Variants in BMPR2 observed in about 807,000 individuals in gnomAD.
BMPR2 encodes the protein bone morphogenetic protein receptor type 2, also known as bone morphogenetic protein receptor type-2.
Under a neutral mutation model 100.8 loss-of-function variants are expected in BMPR2, and 29 were observed. The ratio of observed to expected loss-of-function variants is 0.29; its 90% CI spans 0.21 to 0.39. The LOEUF (loss-of-function observed/expected upper bound fraction) is 0.39, where lower values mean the gene tolerates loss of function less well. BMPR2 is among the 10% of genes least tolerant of loss of function. BMPR2 has a pLI of 1.00. For synonymous variants in BMPR2, 382 were observed against 442.3 expected (o/e 0.86, Z 1.71); for missense variants, 1,011 against 1,274.5 (o/e 0.79, Z 3.15).
At chr2:202,556,590 A>G (rs575888585) in intron 12 of BMPR2, 59 bp downstream of exon 12, 1 of 1,550,338 alleles carries the variant, frequency 6.5e-7, no homozygotes, top group South Asian at 1.1e-5. Flanking sequence ...TTAAATAACT[A>G]TTTAGAATCA....
At chr2:202,429,408 C>T (rs977336282) in intron 1 of BMPR2, among the ~76,000 whole-genome samples, 5 of 152,178 alleles carry the variant, frequency 3.3e-5, no homozygotes, top group Non-Finnish European at 7.3e-5. Flanking sequence ...TTTATGGTTA[C>T]TGGAACTTAA....
chr2:202,449,239 T>G (rs1574455214), intron 1 of BMPR2, among the ~76,000 whole-genome samples: 1 of 150,962 alleles, frequency 6.6e-6, no homozygotes, highest in Admixed American at 6.6e-5. Context: ...AACCGGGAGG[T>G]GGAGGTTGCA....
At chr2:202,461,345 G>A (rs748686425) in intron 1 of BMPR2, among the ~76,000 whole-genome samples, 3 of 152,014 alleles carry the variant, frequency 2.0e-5, no homozygotes, top group African/African-American at 4.8e-5. Context: ...TTAGCCGGGC[G>A]TGGTGATGCA....
At chr2:202,427,358 CA>C (rs397872093) in intron 1 of BMPR2, among the ~76,000 whole-genome samples, 37,062 of 79,020 alleles carry the variant, frequency 0.47, 4,713 homozygotes, top group East Asian at 0.53. Context: ...GACCCTGGCT[CA>C]AAAAAAAAAA....
chr2:202,453,821 A>G (rs1692035451), intron 1 of BMPR2, among the ~76,000 whole-genome samples: 5 of 152,200 alleles, frequency 3.3e-5, no homozygotes, highest in Admixed American at 3.3e-4. Context: ...ATAGAGTATA[A>G]TTGGATTGTT....
chr2:202,494,689 CAT>C (rs1292778343), intron 3 of BMPR2, among the ~76,000 whole-genome samples: 1 of 152,178 alleles, frequency 6.6e-6, no homozygotes, highest in Non-Finnish European at 1.5e-5. Flanking sequence ...TCAGGTATAA[CAT>C]AGATGTAGCA....
At chr2:202,534,415 A>C (rs1252977193) in intron 9 of BMPR2, among the ~76,000 whole-genome samples, 2 of 151,808 alleles carry the variant, frequency 1.3e-5, no homozygotes, top group Non-Finnish European at 2.9e-5. Flanking sequence ...GGCCTTCCGC[A>C]GTGTTTGTGT....
rs970907553 is a variant in BMPR2, at chr2:202,560,905, G to T, written c.*959G>T. 5 of 151,796 alleles carry T rather than the reference G, an allele frequency of 3.3e-5. No homozygotes were observed. The highest frequency in any genetic ancestry group is 2.6e-4 in the Admixed American group (4 of 15,246). The allele number at this position is 151,796 out of a possible 1,614,324, so 9.4% of individuals were successfully genotyped here. A position where few individuals can be genotyped will look rare whatever the true frequency, so the allele number is the denominator to read the frequency against. On this transcript the variant is annotated 3_prime_UTR_variant, in exon 13 of 13. Coordinates refer to ENST00000374580, the MANE Select transcript of BMPR2 (RefSeq NM_001204.7). ...TTTATTTAAGAAATACATTTTTATTGGTAAGCTTATAGAGCTACACTTATG... is the reference window on the plus strand; with the variant it reads ...TTTATTTAAGAAATACATTTTTATTTGTAAGCTTATAGAGCTACACTTATG...
At chr2:202,407,696 G>C (rs1690930340) in intron 1 of BMPR2, among the ~76,000 whole-genome samples, 1 of 151,608 alleles carries the variant, frequency 6.6e-6, no homozygotes, top group South Asian at 2.1e-4. Context: ...GTGAACCCGG[G>C]AGGCGGAGCT....
chr2:202,540,986 T>A (rs1440577849), intron 9 of BMPR2, among the ~76,000 whole-genome samples: 1 of 152,182 alleles, frequency 6.6e-6, no homozygotes, highest in African/African-American at 2.4e-5. Context: ...TGGTTCAATA[T>A]ATTATATACA....
At position 202,520,084 on chromosome 2, in the gene BMPR2, T is replaced by A; in HGVS notation, c.853-3T>A. On this transcript the variant is annotated splice_polypyrimidine_tract_variant and splice_region_variant and intron_variant, in intron 6 of 12. Coordinates refer to ENST00000374580, the MANE Select transcript of BMPR2 (RefSeq NM_001204.7). ...TTTTTTTCGCATTTTTTCCTCTATA[T>A]AGGGATCTTTATGCAAGTATTTAAG... 1 of 1,588,318 alleles carries A rather than the reference T, an allele frequency of 6.3e-7. No homozygotes were observed. Among genetic ancestry groups the A allele is most frequent in the Non-Finnish European group, 8.6e-7 (1 of 1,158,402 alleles).
At chr2:202,421,462 CTT>C (rs11300022) in intron 1 of BMPR2, among the ~76,000 whole-genome samples, 120 of 140,746 alleles carry the variant, frequency 8.5e-4, no homozygotes, top group Non-Finnish European at 1.1e-3. Context: ...CCGCCCCCAC[CTT>C]TTTTTTTTTT....
chr2:202,409,541 ACT>A (rs1314676056), intron 1 of BMPR2, among the ~76,000 whole-genome samples: 1 of 152,046 alleles, frequency 6.6e-6, no homozygotes, highest in African/African-American at 2.4e-5. Context: ...AAATAGTAAG[ACT>A]CTGTCTCTAT....
chr2:202,515,854 A>G (rs1329172261), intron 5 of BMPR2, among the ~76,000 whole-genome samples: 1 of 152,162 alleles, frequency 6.6e-6, no homozygotes, highest in Non-Finnish European at 1.5e-5. Flanking sequence ...ACGCCACTGC[A>G]CTCTAGGTGA....
intron 7 of BMPR2, among the ~76,000 whole-genome samples, chr2:202,528,562 G>T (rs751882823): frequency 2.0e-5 from 3 of 152,218 alleles, no homozygotes; most frequent in Admixed American, 6.5e-5. Context: ...AGTTGAAAAT[G>T]CATTTAATAC....
At position 202,532,575 on chromosome 2, in the gene BMPR2, A is replaced by G. The variant is rs1361655105; in HGVS notation, c.1129-10A>G. The G allele has an allele frequency of 9.3e-6, 15 of 1,613,462 alleles. No individual in the cohort carries two copies. The highest frequency in any genetic ancestry group is 1.3e-5 in the African/African-American group (1 of 74,906). On this transcript the variant is annotated splice_polypyrimidine_tract_variant and intron_variant, in intron 8 of 12. Coordinates refer to ENST00000374580, the MANE Select transcript of BMPR2 (RefSeq NM_001204.7). The surrounding 1 kb of genome is among the most constrained non-coding windows in gnomAD (Gnocchi z 4.1). ...TTCTCTCTCTAAAAAATATCACTCT[A>G]ATTTATCAGGTTGGCACTATCAGAT...
chr2:202,412,040 G>T (rs535003847), intron 1 of BMPR2, among the ~76,000 whole-genome samples: 25 of 152,262 alleles, frequency 1.6e-4, no homozygotes, highest in African/African-American at 6.0e-4. Context: ...ATAATTGCAA[G>T]TGATTATGTA....
intron 3 of BMPR2, 84 bp downstream of exon 3, chr2:202,467,773 T>G: frequency 4.2e-6 from 6 of 1,443,924 alleles, no homozygotes; most frequent in Non-Finnish European, 5.8e-6. Flanking sequence ...ACATTCAAGG[T>G]TGAAGCCAGG....
chr2:202,538,047 G>C (rs1196497068), intron 9 of BMPR2, among the ~76,000 whole-genome samples: 2 of 152,090 alleles, frequency 1.3e-5, no homozygotes, highest in Non-Finnish European at 2.9e-5. Context: ...ACCTGAACCT[G>C]GGAGGCAGAG....
Sources: allele counts gnomAD v4.1 joint callset (sites outside exome capture counted in the v4.1 genomes callset), GRCh38; gene constraint gnomAD v4.1.1; non-coding constraint Gnocchi (gnomAD v3.1); transcripts MANE v1.5; gene names NCBI Gene and HGNC (gene_info 2026-07-23, HGNC 2026-07-21).